INTS3: variants seen among roughly 807,000 people sequenced by gnomAD.
INTS3 encodes the protein integrator complex subunit 3, also known as SOSS complex subunit A.
Under a neutral mutation model 146.3 loss-of-function variants are expected in INTS3, and 34 were observed. The ratio of observed to expected loss-of-function variants is 0.23; its 90% CI spans 0.18 to 0.31. The LOEUF (loss-of-function observed/expected upper bound fraction) is 0.31, where lower values mean the gene tolerates loss of function less well. Ranked by LOEUF, INTS3 falls within the 10% of genes least tolerant of loss-of-function variation. The pLI, the probability that INTS3 is intolerant of heterozygous loss-of-function variation, is 1.00. For synonymous variants in INTS3, 475 were observed against 494.9 expected (o/e 0.96, Z 0.53); for missense variants, 757 against 1,304.2 (o/e 0.58, Z 6.46).
Position 153,752,366 on chromosome 1 carries a change from G to T in INTS3, c.817G>T (p.Asp273Tyr), listed in dbSNP as rs1671990562. The T allele has an allele frequency of 1.9e-6, 3 of 1,613,360 alleles. No individual in the cohort carries two copies. The highest frequency in any genetic ancestry group is 2.7e-5 in the African/African-American group (2 of 74,876). The change falls in exon 8 of 30, where the codon GAT (aspartate) becomes TAT (tyrosine). Residue 273 changes from aspartate to tyrosine, a missense_variant. This residue lies in a region of INTS3 where 134 missense variants were observed against 243.1 expected (regional missense o/e 0.55). Transcript: ENST00000318967. ...ACCAGAATTTGAACTGCTTTGGAAA[G>T]ATATTATCCATAATCCTCAGGCCTT... Reference protein sequence around the residue: ...RIPEFELLWKDIIHNPQALSP... With the variant: ...RIPEFELLWKYIIHNPQALSP...
chr1:153,770,058 G>GGTGTGTGT (rs55766761), intron 23 of INTS3, 140 bp from the exon 24 acceptor site: 26 of 444,136 alleles, frequency 5.9e-5, no homozygotes, highest in African/African-American at 1.5e-4. Context: ...AGTGGATTGG[G>GGTGTGTGT]GTGTGTGTGT....
Position 153,774,756 on chromosome 1 carries a change from CCT to C in INTS3, c.*1492_*1493del, listed in dbSNP as rs1673075935. On this transcript the variant is annotated 3_prime_UTR_variant, in exon 30 of 30. Transcript: ENST00000318967. ...AACCACTGGAGGCTTCTTTTTCCTT[CCT>C]CTCTCCTTCCCCAGTTTCCTCTGTC... is the stretch of plus-strand genomic sequence containing the variant. 3 of 241,524 alleles carry C rather than the reference CCT, an allele frequency of 1.2e-5. No individual in the cohort carries two copies. In the South Asian group the frequency reaches 2.0e-4, roughly 16 times the overall value. The allele number at this position is 241,524 out of a possible 1,614,324, so 15.0% of individuals were successfully genotyped here.
chr1:153,753,547 C>T (rs2101806086), intron 8 of INTS3, among the ~76,000 whole-genome samples: 1 of 150,640 alleles, frequency 6.6e-6, no homozygotes, highest in Non-Finnish European at 1.5e-5. Flanking sequence ...CAGAGTGAGA[C>T]TCTGTCCCAA....
rs760330740 is a variant in INTS3, at chr1:153,740,694, G to A, written c.194G>A (p.Gly65Asp). 3 of 1,614,152 alleles carry A rather than the reference G, an allele frequency of 1.9e-6. No homozygotes were observed. In the South Asian group the frequency reaches 3.3e-5, roughly 18 times the overall value. The change falls in exon 2 of 30, where the codon GGT (glycine) becomes GAT (aspartate). Residue 65 changes from glycine (G) to aspartate (D), a missense_variant. Physicochemically the swap from Gly to Asp is moderately conservative, Grantham distance 94. Coordinates refer to ENST00000318967, the MANE Select transcript of INTS3 (RefSeq NM_023015.5). ...CMSIVTSMTA[G>D]VSEREANDAL... Reference sequence around the variant, plus strand: ...AGCATTGTGACATCGATGACTGCTGGTGTCTCGGAGAGAGAAGCCAATGAT... The same window carrying A: ...AGCATTGTGACATCGATGACTGCTGATGTCTCGGAGAGAGAAGCCAATGAT...
rs1375991599 is a variant in INTS3 at position 153,728,299 on chromosome 1, T to A, written c.-336T>A. ...AAACTTAGGGGTTTCCCTCCTTTCT[T>A]AGGGTCAGACGCTCTTAGGGTCCAC... On this transcript the variant is annotated 5_prime_UTR_variant, in exon 1 of 30. Transcript: ENST00000318967. The A allele has an allele frequency of 6.3e-5, 24 of 383,522 alleles. No individual in the cohort carries two copies. The highest frequency in any genetic ancestry group is 1.1e-4 in the Non-Finnish European group (23 of 217,072). The allele number at this position is 383,522 out of a possible 1,614,324, so 23.8% of individuals were successfully genotyped here.
rs557285174 is a variant in INTS3, at chr1:153,760,204, G to C, written c.1238-107G>C. The C allele has an allele frequency of 6.6e-6, 5 of 756,364 alleles. No homozygotes were observed. In the African/African-American group the frequency reaches 1.0e-4, roughly 15 times the overall value. 46.9% of individuals were successfully genotyped at this position (756,364 alleles called of 1,614,324 possible). A position where few individuals can be genotyped will look rare whatever the true frequency, so the allele number is the denominator to read the frequency against. ...CTGAGATCGTACCATTTGCACTCCA[G>C]CCTGGGTGACAGAGCAAGACTCTGT... On this transcript the variant is annotated intron_variant, in intron 11 of 29. Coordinates refer to ENST00000318967, the MANE Select transcript of INTS3 (RefSeq NM_023015.5).
rs145362535 is a variant in INTS3, at chr1:153,739,467, C to T, written c.151-1184C>T. On this transcript the variant is annotated intron_variant, in intron 1 of 29. Coordinates refer to ENST00000318967, the MANE Select transcript of INTS3 (RefSeq NM_023015.5). ...AAGCAATTCTCCTGCCTCAGCCTCCCGAGTAGCTGGAATTACAGACATGTG... is the reference window on the plus strand; with the variant it reads ...AAGCAATTCTCCTGCCTCAGCCTCCTGAGTAGCTGGAATTACAGACATGTG... 4.4e-3 allele frequency among the ~76,000 whole-genome samples: 664 copies of T among 151,274 alleles called. 8 individuals carry two copies. The highest frequency in any genetic ancestry group is 0.015 in the African/African-American group (628 of 41,232).
At chr1:153,734,661 C>G (rs1671221684) in intron 1 of INTS3, among the ~76,000 whole-genome samples, 1 of 152,204 alleles carries the variant, frequency 6.6e-6, no homozygotes, top group Admixed American at 6.5e-5. Context: ...AGCAATAGAT[C>G]ATTGCTGGAG....
intron 17 of INTS3, 43 bp downstream of exon 17, chr1:153,763,929 T>G (rs771341987): frequency 6.4e-7 from 1 of 1,574,738 alleles, no homozygotes. Flanking sequence ...CAGCCTAGCC[T>G]GCTTAGCTTA....
chr1:153,759,607 A>G lies in INTS3; in HGVS notation c.1231A>G (p.Asn411Asp). 1 of 1,610,166 alleles carries G rather than the reference A, an allele frequency of 6.2e-7. No homozygotes were observed. Among genetic ancestry groups the G allele is most frequent in the Non-Finnish European group, 8.5e-7 (1 of 1,176,420 alleles). The change falls in exon 11 of 30, where the codon AAC (asparagine) becomes GAC (aspartate). Residue 411 changes from asparagine to aspartate, a missense_variant. By Grantham distance (23) the Asn-to-Asp change is conservative (BLOSUM62 1). Around this residue, in one of 8 missense-constraint regions of INTS3, gnomAD observed 35 missense variants for 122.2 expected, o/e 0.29. Coordinates refer to ENST00000318967, the MANE Select transcript of INTS3 (RefSeq NM_023015.5). ...TAGTCCAGACAAGGATAGCATTATG[A>G]ACATAGGTATGTGACCAAGACCAGG... is the stretch of plus-strand genomic sequence containing the variant. ...FFSPDKDSIM[N>D]IEPAILVMHH... is the part of the protein sequence containing the mutation.
At chr1:153,762,997 A>G in intron 15 of INTS3, 150 bp downstream of exon 15, 3 of 1,156,754 alleles carry the variant, frequency 2.6e-6, no homozygotes, top group Non-Finnish European at 3.7e-6. Flanking sequence ...TCCAGAATGC[A>G]GAGCCCTGTA....
In INTS3 at chr1:153,757,762, C is replaced by T. The variant is rs1436582387; in HGVS notation, c.1148C>T (p.Thr383Met). Residue 383 changes from threonine to methionine, a missense_variant and splice_region_variant, in exon 10 of 30, where the codon ACG becomes ATG. Physicochemically the swap from Thr to Met is moderately conservative, Grantham distance 81 (BLOSUM62 -1). Around this residue, in one of 8 missense-constraint regions of INTS3, gnomAD observed 35 missense variants for 122.2 expected, o/e 0.29. Coordinates refer to ENST00000318967, the MANE Select transcript of INTS3 (RefSeq NM_023015.5). The surrounding 1 kb of genome is among the most constrained non-coding windows in gnomAD (Gnocchi z 4.0). ...AIIGWLLTTC[T>M]SNVAASNAKL... ...ATTGGTTGGCTCCTGACAACGTGCA[C>T]GGTGAGGGCAAAAGATACTGGGTGG... 5.6e-6 allele frequency: 9 copies of T among 1,612,366 alleles called. No individual in the cohort carries two copies. The highest frequency in any genetic ancestry group is 7.6e-6 in the Non-Finnish European group (9 of 1,179,466).
At chr1:153,730,155 CTT>C (rs1671010031) in intron 1 of INTS3, among the ~76,000 whole-genome samples, 1 of 152,194 alleles carries the variant, frequency 6.6e-6, no homozygotes, top group Non-Finnish European at 1.5e-5. Flanking sequence ...TGGATAGTAA[CTT>C]TGTGGATTTT....
intron 24 of INTS3, 117 bp downstream of exon 24, chr1:153,770,428 C>A: frequency 1.3e-6 from 1 of 780,836 alleles, no homozygotes; most frequent in Non-Finnish European, 2.2e-6. Flanking sequence ...TCCTTCCCAC[C>A]AAAGTGCACA....
chr1:153,767,476 A>G, intron 20 of INTS3, 198 bp from the exon 21 acceptor site: 2 of 479,764 alleles, frequency 4.2e-6, no homozygotes, highest in East Asian at 6.9e-5. Flanking sequence ...CTGGGGAAGG[A>G]TGGACAGAAA....
At chr1:153,746,710 G>A (rs1165944899) in intron 3 of INTS3, 3 of 436,478 alleles carry the variant, frequency 6.9e-6, no homozygotes, top group Non-Finnish European at 1.2e-5. Flanking sequence ...TGCCCAGCAG[G>A]CTTTTCTGCC....
intron 1 of INTS3, 67 bp downstream of exon 1, chr1:153,728,851 G>T: frequency 2.6e-6 from 2 of 783,394 alleles, no homozygotes; most frequent in South Asian, 3.6e-5. Context: ...GCGGATACCG[G>T]GTGGGAGGAC....
In INTS3 at chr1:153,764,888, G is replaced by GGCAT. The variant is rs1254804241; in HGVS notation, c.1971-55_1971-54insCATG. ...GCCCATGCCACCTGAGAAACTCCAT[G>GGCAT]GGAGAGTCTGCCCTGGGTAAAGTTC... On this transcript the variant is annotated intron_variant, in intron 19 of 29. Transcript: ENST00000318967. 14 of 1,610,790 alleles carry GGCAT rather than the reference G, an allele frequency of 8.7e-6. No homozygotes were observed. In the Admixed American group the frequency reaches 2.3e-4, roughly 27 times the overall value.
rs746847273 is a variant in INTS3 at position 153,772,367 on chromosome 1, C to G, written c.2748C>G (p.Ala916=). The change falls in exon 27 of 30, where the codon GCC becomes GCG. Residue 916 remains alanine (A), a synonymous_variant. Coordinates refer to ENST00000318967, the MANE Select transcript of INTS3 (RefSeq NM_023015.5). This position sits in a 1 kb window ranked among gnomAD's most constrained non-coding sequence, Gnocchi z 4.6. ...QSLRSSSSKL[A]QLTLEQILEH... ...TGAGGAGCTCTAGCAGCAAGCTGGC[C>G]CAGCTGACTCTGGAGCAGATCCTGG... 1.9e-6 allele frequency: 3 copies of G among 1,614,076 alleles called. No individual in the cohort carries two copies. Among genetic ancestry groups the G allele is most frequent in the Non-Finnish European group, 2.5e-6 (3 of 1,180,008 alleles).
Sources: allele counts gnomAD v4.1 joint callset (sites outside exome capture counted in the v4.1 genomes callset), GRCh38; gene constraint gnomAD v4.1.1; regional missense constraint gnomAD v4.1.1; non-coding constraint Gnocchi (gnomAD v3.1); transcripts MANE v1.5; gene names NCBI Gene and HGNC (gene_info 2026-07-23, HGNC 2026-07-21).